The following CFAP74 variants were observed in gnomAD, a reference collection of about 807,000 sequenced individuals.
The protein encoded by CFAP74 is cilia- and flagella-associated protein 74.
CFAP74 carries 124 observed loss-of-function variants against 188.9 expected under a neutral mutation model. The observed-to-expected ratio is 0.66, with a 90% CI of 0.57 to 0.76. The LOEUF (loss-of-function observed/expected upper bound fraction) is 0.76, where lower values mean the gene tolerates loss of function less well. CFAP74 is among the 30% of genes least tolerant of loss of function. CFAP74 has a pLI of 0.00. For missense variants in CFAP74, 2,198 were observed against 2,165.2 expected (o/e 1.02, Z -0.30); for synonymous variants, 956 against 916.7 (o/e 1.04, Z -0.77).
intron 25 of CFAP74, among the ~76,000 whole-genome samples, chr1:1,938,307 A>G (rs1196894137): frequency 6.8e-6 from 1 of 146,452 alleles, no homozygotes; most frequent in Non-Finnish European, 1.5e-5. Context: ...TTACACACCC[A>G]CATACATGCA....
chr1:1,999,445 C>T (rs1450287451), intron 1 of CFAP74, among the ~76,000 whole-genome samples: 2 of 152,110 alleles, frequency 1.3e-5, no homozygotes, highest in African/African-American at 4.8e-5. Context: ...CTTGTTACTT[C>T]AGAATTTCTC....
intron 6 of CFAP74, among the ~76,000 whole-genome samples, chr1:1,977,189 T>C (rs1025484831): frequency 6.6e-6 from 1 of 152,110 alleles, no homozygotes; most frequent in Non-Finnish European, 1.5e-5. Context: ...CATTTCTTTA[T>C]AGTGACACAA....
At chr1:1,997,609 A>G (rs1436128647) in intron 1 of CFAP74, among the ~76,000 whole-genome samples, 1 of 152,154 alleles carries the variant, frequency 6.6e-6, no homozygotes, top group South Asian at 2.1e-4. Flanking sequence ...TATTTATCAG[A>G]AGAAATAATG....
intron 22 of CFAP74, among the ~76,000 whole-genome samples, chr1:1,941,381 G>A (rs1050388618): frequency 6.6e-6 from 1 of 152,246 alleles, no homozygotes; most frequent in African/African-American, 2.4e-5. Flanking sequence ...TCGGACACAG[G>A]ACGTCCAGTC....
rs1003006824 is a variant in CFAP74, at chr1:1,926,356, C to T, written c.3829-9G>A. On this transcript the variant is annotated splice_polypyrimidine_tract_variant and intron_variant, in intron 31 of 38. Transcript: ENST00000682832. Reference sequence around the variant, plus strand: ...AGCAGGGAGAAGTCCAGCTGAGGGTCCACGTCAAGGAGGGGATACAGGTGT... The same window carrying T: ...AGCAGGGAGAAGTCCAGCTGAGGGTTCACGTCAAGGAGGGGATACAGGTGT... The T allele has an allele frequency of 6.5e-6, 10 of 1,548,714 alleles. No homozygotes were observed. Among genetic ancestry groups the T allele is most frequent in the African/African-American group, 1.4e-5 (1 of 73,010 alleles).
chr1:1,923,684 G>A lies in CFAP74; in HGVS notation c.4389+91C>T. ...GAGTCCCCCAGCCATGGTACCCTCA[G>A]GGCCTCCAAAGTGGAGCAGTGCAGC... On this transcript the variant is annotated intron_variant, in intron 35 of 38. Coordinates refer to ENST00000682832, the MANE Select transcript of CFAP74 (RefSeq NM_001304360.2). This position sits in a 1 kb window ranked among gnomAD's most constrained non-coding sequence, Gnocchi z 6.3. 1 of 1,582,480 alleles carries A rather than the reference G, an allele frequency of 6.3e-7. No individual in the cohort carries two copies. Among genetic ancestry groups the A allele is most frequent in the Non-Finnish European group, 8.7e-7 (1 of 1,154,338 alleles).
chr1:1,969,013 C>G (rs961294587), intron 10 of CFAP74, among the ~76,000 whole-genome samples, 180 bp from the exon 11 acceptor site: 1 of 151,560 alleles, frequency 6.6e-6, no homozygotes, highest in Non-Finnish European at 1.5e-5. Context: ...GGACTCCATC[C>G]TACCCAGCAG....
intron 16 of CFAP74, among the ~76,000 whole-genome samples, chr1:1,957,175 C>T (rs367988585): frequency 4.6e-5 from 7 of 152,194 alleles, no homozygotes; most frequent in South Asian, 2.1e-4. Context: ...CCTTCCAGAA[C>T]GGGAGCACGC....
At position 1,944,472 on chromosome 1, in the gene CFAP74, C is replaced by T; in HGVS notation, c.2365-20G>A. The stretch of plus-strand genomic sequence containing the variant: ...ATGCAGCTGCATATGGACACAGGAG[C>T]TCAGCAACAGGAGTTCCTTGGGCAC... On this transcript the variant is annotated intron_variant, in intron 20 of 38. Coordinates refer to ENST00000682832, the MANE Select transcript of CFAP74 (RefSeq NM_001304360.2). The T allele has an allele frequency of 6.5e-7, 1 of 1,534,480 alleles. No homozygotes were observed. The highest frequency in any genetic ancestry group is 8.7e-7 in the Non-Finnish European group (1 of 1,145,596).
chr1:2,001,391 G>A (rs1414954986), intron 1 of CFAP74, among the ~76,000 whole-genome samples: 67 of 151,530 alleles, frequency 4.4e-4, no homozygotes, highest in Non-Finnish European at 1.3e-4. Flanking sequence ...GTGCAGTGGC[G>A]CAGGGTCGGC....
At chr1:1,963,567 CG>C (rs1655248629) in intron 14 of CFAP74, among the ~76,000 whole-genome samples, 181 bp downstream of exon 14, 1 of 151,492 alleles carries the variant, frequency 6.6e-6, no homozygotes, top group Admixed American at 6.6e-5. Context: ...GAAATGGGCT[CG>C]GTCTCGGACG....
rs1407606170 is a variant in CFAP74 at position 1,922,478 on chromosome 1, T to C, written c.4819-90A>G. On this transcript the variant is annotated intron_variant, in intron 38 of 38. Coordinates refer to ENST00000682832, the MANE Select transcript of CFAP74 (RefSeq NM_001304360.2). ...CTTCCCACTGCCCTGCCCACCTGAC[T>C]CCCTTGGGTCCTCCACGGCCACCTC... 5.2e-6 allele frequency: 8 copies of C among 1,536,496 alleles called. No individual in the cohort carries two copies. In the African/African-American group the frequency reaches 1.1e-4, roughly 21 times the overall value.
Position 1,926,264 on chromosome 1 carries a change from G to A in CFAP74, c.3912C>T (p.Val1304=), listed in dbSNP as rs1245259030. Residue 1304 remains valine, a synonymous_variant, in exon 32 of 39, where the codon GTC becomes GTT. Coordinates refer to ENST00000682832, the MANE Select transcript of CFAP74 (RefSeq NM_001304360.2). ...CGTGGGGAGAGAAGGAAAGCACCAG[G>A]ACCTGGGTCCCACCTGCACGCAGCA... ...SSLLRAGGTQ[V]LVLSFSPHES... 2.0e-6 allele frequency: 3 copies of A among 1,534,854 alleles called. No individual in the cohort carries two copies. The highest frequency in any genetic ancestry group is 2.5e-5 in the East Asian group (1 of 40,770).
Position 1,925,048 on chromosome 1 carries a change from A to G in CFAP74, c.4105-528T>C, listed in dbSNP as rs556239940. Among the ~76,000 whole-genome samples the G allele has an allele frequency of 2.6e-3, 294 of 111,724 alleles. 2 individuals are homozygous for G. The highest frequency in any genetic ancestry group is 0.024 in the East Asian group (81 of 3,388). 73.3% of individuals were successfully genotyped at this position (111,724 alleles called of 152,430 possible). On this transcript the variant is annotated intron_variant, in intron 33 of 38. Coordinates refer to ENST00000682832, the MANE Select transcript of CFAP74 (RefSeq NM_001304360.2). ...AAGGCATGAGGGCACACACTGGTCC[A>G]AAGGCATGAGGGCACACACTGGTGC...
chr1:1,955,204 G>C, intron 18 of CFAP74: 6 of 1,289,002 alleles, frequency 4.7e-6, no homozygotes, highest in Non-Finnish European at 6.1e-6. Flanking sequence ...GCGTATGTGG[G>C]AAAACGATCA....
chr1:1,924,542 CA>C, intron 33 of CFAP74, 22 bp from the exon 34 acceptor site: 1 of 1,591,518 alleles, frequency 6.3e-7, no homozygotes, highest in East Asian at 2.3e-5. Context: ...AGGCCGCGGT[CA>C]CTGCCCGCCA....
intron 27 of CFAP74, among the ~76,000 whole-genome samples, chr1:1,928,465 C>T (rs1466401753): frequency 2.0e-5 from 3 of 152,192 alleles, no homozygotes; most frequent in Non-Finnish European, 4.4e-5. Flanking sequence ...GTTTCAGGTG[C>T]GCCTCCCGGG....
chr1:1,922,023 G>C lies in CFAP74; in HGVS notation c.*264C>G, dbSNP rs1424538813. 1 of 482,890 alleles carries C rather than the reference G, an allele frequency of 2.1e-6. No individual in the cohort carries two copies. Among genetic ancestry groups the C allele is most frequent in the Non-Finnish European group, 3.7e-6 (1 of 271,316 alleles). The allele number at this position is 482,890 out of a possible 1,614,324, so 29.9% of individuals were successfully genotyped here. On this transcript the variant is annotated 3_prime_UTR_variant, in exon 39 of 39. Coordinates refer to ENST00000682832, the MANE Select transcript of CFAP74 (RefSeq NM_001304360.2). ...CTCCTGGGGGCTGGGGGCTCTGAGG[G>C]GGTCTGGCTAGGATGGCTGAGGGCT...
chr1:1,990,862 TC>T, intron 2 of CFAP74, 27 bp downstream of exon 2: 1 of 1,588,026 alleles, frequency 6.3e-7, no homozygotes, highest in Admixed American at 1.8e-5. Flanking sequence ...TGCTGAAACT[TC>T]CGTTACTGTG....
Sources: gnomAD v4.1 joint callset for allele counts (sites outside exome capture counted in the v4.1 genomes callset) on GRCh38, gnomAD v4.1.1 for gene constraint, Gnocchi (gnomAD v3.1) non-coding constraint, MANE v1.5 for transcripts, NCBI Gene and HGNC (gene_info 2026-07-23, HGNC 2026-07-21) for gene names.